Variants in PLCG2 observed in about 807,000 individuals in gnomAD.
PLCG2 encodes the protein 1-phosphatidylinositol 4,5-bisphosphate phosphodiesterase gamma-2.
PLCG2 carries 69 observed loss-of-function variants against 175.6 expected under a neutral mutation model. That is an observed-to-expected ratio of 0.39 (90% CI 0.32 to 0.48). The LOEUF is 0.48. PLCG2 is among the 20% of genes least tolerant of loss of function. PLCG2 has a pLI of 0.91. For missense variants in PLCG2, 1,798 were observed against 1,650.9 expected (o/e 1.09, Z -1.54); for synonymous variants, 827 against 624.0 (o/e 1.33, Z -4.85).
Position 81,900,792 on chromosome 16 carries a change from G to T in PLCG2, c.1362+12G>T. ...AGATCATCATCAAGGTAGGCACCCC[G>T]GGTGCTGCTGTTGGCTGTCCAGGGA... On this transcript the variant is annotated intron_variant, in intron 14 of 32. Coordinates refer to ENST00000564138, the MANE Select transcript of PLCG2 (RefSeq NM_002661.5). 6.3e-7 allele frequency: 1 copy of T among 1,590,594 alleles called. No individual in the cohort carries two copies. Among genetic ancestry groups the T allele is most frequent in the South Asian group, 1.1e-5 (1 of 90,340 alleles).
chr16:81,848,295 G>A (rs986864329), intron 2 of PLCG2, among the ~76,000 whole-genome samples: 5 of 152,190 alleles, frequency 3.3e-5, no homozygotes, highest in African/African-American at 1.2e-4. Flanking sequence ...CAAGAGAGGG[G>A]TGTTCAGGAT....
chr16:81,838,325 G>C (rs916024941), intron 2 of PLCG2, among the ~76,000 whole-genome samples: 1 of 152,202 alleles, frequency 6.6e-6, no homozygotes, highest in Non-Finnish European at 1.5e-5. Flanking sequence ...GGCCTCATGT[G>C]ATCTGCCTGC....
Position 81,891,486 on chromosome 16 carries a change from G to C in PLCG2, c.882G>C (p.Leu294=), listed in dbSNP as rs1488303721. Residue 294 remains leucine, a synonymous_variant, in exon 11 of 33, where the codon CTG becomes CTC. Coordinates refer to ENST00000564138, the MANE Select transcript of PLCG2 (RefSeq NM_002661.5). ...FLFVDEFLTY[L]FSRENSIWDE... Reference sequence around the variant, plus strand: ...GACTCTTTTAGTTCCTCACGTACCTGTTTTCACGAGAAAACAGCATCTGGG... The same window carrying C: ...GACTCTTTTAGTTCCTCACGTACCTCTTTTCACGAGAAAACAGCATCTGGG... The C allele has an allele frequency of 1.3e-6, 2 of 1,597,790 alleles. No individual in the cohort carries two copies. The highest frequency in any genetic ancestry group is 1.7e-5 in the Admixed American group (1 of 60,018).
chr16:81,878,747 G>A (rs1907937420), intron 7 of PLCG2, among the ~76,000 whole-genome samples: 1 of 152,132 alleles, frequency 6.6e-6, no homozygotes. Flanking sequence ...TGTCAAAGCT[G>A]GTCACTCTCT....
At chr16:81,950,409 G>C (rs891681438) in intron 31 of PLCG2, among the ~76,000 whole-genome samples, 2 of 152,142 alleles carry the variant, frequency 1.3e-5, no homozygotes, top group African/African-American at 4.8e-5. Flanking sequence ...TAGTACCTAA[G>C]TATATAAGAC....
Position 81,761,814 on chromosome 16 carries a change from G to A in PLCG2, c.-48+5848G>A. On this transcript the variant is annotated intron_variant, in intron 2 of 5. Transcript: ENST00000565054. ...AAGCATCCATCTAGTCACTACCTAT[G>A]ATTTCACCCTGCACATTTTTTTTTT... is the stretch of plus-strand genomic sequence containing the variant. Among the ~76,000 whole-genome samples the A allele has an allele frequency of 1.3e-5, 2 of 149,802 alleles. 1 individual carries two copies. The highest frequency in any genetic ancestry group is 3.0e-5 in the Non-Finnish European group (2 of 67,752).
chr16:81,834,985 G>T (rs1212645190), intron 2 of PLCG2, among the ~76,000 whole-genome samples: 1 of 152,118 alleles, frequency 6.6e-6, no homozygotes, highest in African/African-American at 2.4e-5. Context: ...CTGTGGGCAG[G>T]GGAAAGGCCC....
At chr16:81,912,016 C>G (rs1909648397) in intron 18 of PLCG2, among the ~76,000 whole-genome samples, 1 of 152,058 alleles carries the variant, frequency 6.6e-6, no homozygotes, top group Non-Finnish European at 1.5e-5. Context: ...CCAGGATGAT[C>G]TCGATCTCCT....
chr16:81,799,834 C>T (rs567109551), intron 2 of PLCG2, among the ~76,000 whole-genome samples: 1 of 152,184 alleles, frequency 6.6e-6, no homozygotes, highest in East Asian at 1.9e-4. Flanking sequence ...ACCTCGTGAT[C>T]CTCCCACCTT....
At chr16:81,926,142 A>G (rs1910262948) in intron 22 of PLCG2, among the ~76,000 whole-genome samples, 1 of 152,206 alleles carries the variant, frequency 6.6e-6, no homozygotes, top group Non-Finnish European at 1.5e-5. Context: ...GCTAGGCAGC[A>G]TGGCAGGGGC....
intron 2 of PLCG2, among the ~76,000 whole-genome samples, chr16:81,805,087 C>T (rs1272106342): frequency 6.6e-6 from 1 of 152,170 alleles, no homozygotes. Flanking sequence ...TCCCCAATCA[C>T]CATGTGCCAG....
At chr16:81,778,023 A>AC (rs1910490589), upstream of PLCG2, among the ~76,000 whole-genome samples, 7 of 80,154 alleles carry the variant, frequency 8.7e-5, 2 homozygotes, top group African/African-American at 3.8e-4. Flanking sequence ...TCTCAAAAAA[A>AC]AAAAAAAACA....
chr16:81,744,564 T>A (rs1331069685), intron 1 of PLCG2, among the ~76,000 whole-genome samples: 1 of 151,332 alleles, frequency 6.6e-6, no homozygotes, highest in African/African-American at 2.4e-5. Flanking sequence ...ATAGCAGTCA[T>A]GATGGTGAAG....
At position 81,958,251 on chromosome 16, in the gene PLCG2, C is replaced by T. The variant is rs1405373805; in HGVS notation, c.*253C>T. 3.9e-6 allele frequency: 2 copies of T among 516,100 alleles called. No homozygotes were observed. The highest frequency in any genetic ancestry group is 7.0e-6 in the Non-Finnish European group (2 of 285,788). The allele number at this position is 516,100 out of a possible 1,614,324, so 32.0% of individuals were successfully genotyped here. A position where few individuals can be genotyped will look rare whatever the true frequency, so the allele number is the denominator to read the frequency against. ...AAAATGTGCTCCTCATTTTTGGCCT[C>T]TCATGTTCCAAACCTCATTGAATAA... On this transcript the variant is annotated 3_prime_UTR_variant, in exon 33 of 33. Coordinates refer to ENST00000564138, the MANE Select transcript of PLCG2 (RefSeq NM_002661.5).
rs1011571015 is a variant in PLCG2, at chr16:81,960,158, G to C, written c.*2160G>C. The C allele has an allele frequency of 4.5e-6, 1 of 219,916 alleles. No homozygotes were observed. The highest frequency in any genetic ancestry group is 2.2e-5 in the African/African-American group (1 of 44,450). The allele number at this position is 219,916 out of a possible 1,614,324, so 13.6% of individuals were successfully genotyped here. ...TCCACCATGAGAGAGTACTTTCTTC[G>C]GTTCTTTCCTCCTGTCCTTGACAGA... On this transcript the variant is annotated 3_prime_UTR_variant, in exon 33 of 33. Transcript: ENST00000564138.
chr16:81,748,070 G>C (rs1262760911), intron 1 of PLCG2, among the ~76,000 whole-genome samples: 1 of 152,014 alleles, frequency 6.6e-6, no homozygotes, highest in African/African-American at 2.4e-5. Context: ...AAACAGGGTG[G>C]CCCCATATTG....
intron 5 of PLCG2, among the ~76,000 whole-genome samples, chr16:81,868,012 G>T (rs544354331): frequency 1.3e-5 from 2 of 152,128 alleles, no homozygotes; most frequent in South Asian, 4.1e-4. Flanking sequence ...CTCGCTTCCC[G>T]CTTCAGCTGA....
In PLCG2 at chr16:81,962,541, G is replaced by C. The variant is rs1413020621; in HGVS notation, c.*4543G>C. The stretch of plus-strand genomic sequence containing the variant: ...TGTAAACTTGTGTTTCATTATTAAA[G>C]CTTAATTTATTTTTTATATAAATAG... On this transcript the variant is annotated 3_prime_UTR_variant, in exon 33 of 33. Transcript: ENST00000564138. 1 of 217,426 alleles carries C rather than the reference G, an allele frequency of 4.6e-6. No individual in the cohort carries two copies. The highest frequency in any genetic ancestry group is 9.2e-6 in the Non-Finnish European group (1 of 108,420). 13.5% of individuals were successfully genotyped at this position (217,426 alleles called of 1,614,324 possible).
intron 2 of PLCG2, among the ~76,000 whole-genome samples, chr16:81,800,368 A>C (rs751573083): frequency 2.0e-5 from 3 of 151,908 alleles, no homozygotes; most frequent in African/African-American, 7.3e-5. Flanking sequence ...CTCCATCCTT[A>C]CCCTGCTCCC....
Sources: allele counts gnomAD v4.1 joint callset (sites outside exome capture counted in the v4.1 genomes callset), GRCh38; gene constraint gnomAD v4.1.1; transcripts MANE v1.5; gene names NCBI Gene and HGNC (gene_info 2026-07-23, HGNC 2026-07-21).